The following P2RY8 variants were observed in gnomAD, a reference collection of about 807,000 sequenced individuals.
P2RY8 encodes the protein P2Y receptor family member 8.
A neutral mutation model predicts 10.0 loss-of-function variants in P2RY8; 6 were observed. The ratio of observed to expected loss-of-function variants is 0.60; its 90% CI spans 0.33 to 1.19. P2RY8 has a LOEUF of 1.19. Ranked by LOEUF, P2RY8 falls within the 50% of genes most tolerant of loss-of-function variation. The pLI is 0.04. For synonymous variants in P2RY8, 276 were observed against 252.5 expected, an observed-to-expected ratio of 1.09 and a Z score of -0.88; for missense variants, 456 against 542.0, an observed-to-expected ratio of 0.84 and a Z score of 1.58.
chrX:1,506,878 G>A lies in P2RY8; in HGVS notation c.-25+30043C>T, dbSNP rs9786667. ...TTTTTAGTAGAGACGGGGTTTCACCGTGTTAGCCAGGATGGTCTCGATCTC... is the reference window on the plus strand; with the variant it reads ...TTTTTAGTAGAGACGGGGTTTCACCATGTTAGCCAGGATGGTCTCGATCTC... On this transcript the variant is annotated intron_variant, in intron 1 of 1. Coordinates refer to ENST00000381297, the MANE Select transcript of P2RY8 (RefSeq NM_178129.5). Among the ~76,000 whole-genome samples the A allele has an allele frequency of 6.6e-5, 10 of 151,704 alleles. 1 individual carries two copies. The highest frequency in any genetic ancestry group is 2.1e-4 in the South Asian group (1 of 4,798).
intron 1 of P2RY8, among the ~76,000 whole-genome samples, chrX:1,505,053 G>C (rs1308424345): frequency 1.3e-5 from 2 of 148,836 alleles, no homozygotes; most frequent in Non-Finnish European, 3.0e-5. Flanking sequence ...CAGGAGAATG[G>C]CGTGAACCCG....
intron 1 of P2RY8, among the ~76,000 whole-genome samples, chrX:1,483,331 G>T (rs147323445): frequency 6.6e-6 from 1 of 151,778 alleles, no homozygotes; most frequent in Non-Finnish European, 1.5e-5. Flanking sequence ...CCAAAGCGGG[G>T]TTTCCTTAAA....
chrX:1,521,796 T>C (rs2092393411), intron 1 of P2RY8, among the ~76,000 whole-genome samples: 1 of 152,132 alleles, frequency 6.6e-6, no homozygotes, highest in East Asian at 1.9e-4. Context: ...CTTCCTTTGC[T>C]TCCGGTGAGC....
intron 1 of P2RY8, among the ~76,000 whole-genome samples, chrX:1,507,442 C>T (rs1282263397): frequency 3.3e-5 from 5 of 152,158 alleles, no homozygotes; most frequent in Non-Finnish European, 7.4e-5. Flanking sequence ...CGCCAGGACC[C>T]CACCCAAGCC....
At chrX:1,466,931 T>C (rs1175249966) in intron 1 of P2RY8, among the ~76,000 whole-genome samples, 47 of 129,530 alleles carry the variant, frequency 3.6e-4, no homozygotes, top group African/African-American at 1.3e-3. Flanking sequence ...ATCAGGGAGG[T>C]CATTGGAGAC....
intron 1 of P2RY8, among the ~76,000 whole-genome samples, chrX:1,530,868 T>TTCTG (rs370249530): frequency 0.028 from 4,254 of 151,824 alleles, 211 homozygotes; most frequent in African/African-American, 0.098. Flanking sequence ...GTATTGTCTA[T>TTCTG]TCTATCTCTC....
At chrX:1,516,234 A>G (rs778853184) in intron 1 of P2RY8, among the ~76,000 whole-genome samples, 1 of 149,808 alleles carries the variant, frequency 6.7e-6, no homozygotes, top group Admixed American at 6.7e-5. Context: ...AAACAGGAAG[A>G]GACCGCAGAG....
chrX:1,530,378 C>G (rs2092466075), intron 1 of P2RY8, among the ~76,000 whole-genome samples: 1 of 151,516 alleles, frequency 6.6e-6, no homozygotes, highest in South Asian at 2.1e-4. Context: ...AGGTATCTCT[C>G]TAATCTATCA....
At chrX:1,485,271 G>A (rs2149387194) in intron 1 of P2RY8, among the ~76,000 whole-genome samples, 1 of 152,062 alleles carries the variant, frequency 6.6e-6, no homozygotes, top group East Asian at 1.9e-4. Context: ...CCGAGTAGCT[G>A]GAACTACAGG....
chrX:1,468,628 C>T (rs1174933308), intron 1 of P2RY8, among the ~76,000 whole-genome samples: 1 of 151,872 alleles, frequency 6.6e-6, no homozygotes, highest in Non-Finnish European at 1.5e-5. Context: ...CGGTGTCTGG[C>T]CTGCAGAGGT....
Position 1,463,165 on chromosome X carries a change from TCA to T in P2RY8, c.*2312_*2313del, listed in dbSNP as rs2091610459. On this transcript the variant is annotated 3_prime_UTR_variant, in exon 2 of 2. Coordinates refer to ENST00000381297, the MANE Select transcript of P2RY8 (RefSeq NM_178129.5). ...TGTGAAGATGCTACTCTGAGGTTTT[TCA>T]CAGTTTTTTTTCCCCCATGAGACAC... The T allele has an allele frequency of 1.3e-5, 3 of 233,090 alleles. No homozygotes were observed. The highest frequency in any genetic ancestry group is 5.6e-5 in the Admixed American group (1 of 17,748). The allele number at this position is 233,090 out of a possible 1,614,324, so 14.4% of individuals were successfully genotyped here.
intron 1 of P2RY8, among the ~76,000 whole-genome samples, chrX:1,472,124 T>C (rs1476023067): frequency 6.6e-6 from 1 of 151,950 alleles, no homozygotes; most frequent in Non-Finnish European, 1.5e-5. Context: ...AGAAGGAAGT[T>C]GTCGTGGGCC....
intron 1 of P2RY8, among the ~76,000 whole-genome samples, chrX:1,478,279 C>T (rs1446395550): frequency 2.3e-5 from 1 of 42,894 alleles, no homozygotes; most frequent in Non-Finnish European, 4.5e-5. Flanking sequence ...GTGTGCCCAG[C>T]AGGGAAGCAG....
chrX:1,486,407 C>T (rs4358983), intron 1 of P2RY8, among the ~76,000 whole-genome samples: 2,501 of 151,890 alleles, frequency 0.016, 63 homozygotes, highest in African/African-American at 0.051. Context: ...AGGCTGTGAC[C>T]GAGGCTACAC....
intron 1 of P2RY8, among the ~76,000 whole-genome samples, chrX:1,525,121 A>G (rs1416669682): frequency 5.9e-5 from 9 of 152,164 alleles, no homozygotes; most frequent in Admixed American, 5.9e-4. Context: ...CAAAATCCCT[A>G]TTGGTGCAAT....
At chrX:1,471,488 G>T (rs1189219649) in intron 1 of P2RY8, among the ~76,000 whole-genome samples, 1 of 146,536 alleles carries the variant, frequency 6.8e-6, no homozygotes, top group Admixed American at 6.8e-5. Context: ...AATAATTTTA[G>T]TAGCGACAAG....
At chrX:1,521,336 G>A (rs1291963808) in intron 1 of P2RY8, among the ~76,000 whole-genome samples, 5 of 151,842 alleles carry the variant, frequency 3.3e-5, no homozygotes, top group South Asian at 2.1e-4. Context: ...ATGAGCCACC[G>A]CGCCCGGCCT....
At chrX:1,488,806 G>A (rs2092012026) in intron 1 of P2RY8, among the ~76,000 whole-genome samples, 1 of 139,558 alleles carries the variant, frequency 7.2e-6, no homozygotes, top group Non-Finnish European at 1.6e-5. Context: ...ATGAATGGGT[G>A]CATGTATGAA....
chrX:1,509,002 TCATC>T (rs776849927), intron 1 of P2RY8, among the ~76,000 whole-genome samples: 254 of 116,506 alleles, frequency 2.2e-3, no homozygotes, highest in South Asian at 3.1e-3. Context: ...CTGTATGTGT[TCATC>T]CATCCATCCA....
Sources: gnomAD v4.1 joint callset for allele counts (sites outside exome capture counted in the v4.1 genomes callset) on GRCh38, gnomAD v4.1.1 for gene constraint, MANE v1.5 for transcripts, NCBI Gene and HGNC (gene_info 2026-07-23, HGNC 2026-07-21) for gene names.